The following SYTL5 variants were observed in gnomAD, a reference collection of about 807,000 sequenced individuals.
SYTL5 encodes the protein synaptotagmin like 5.
In SYTL5, 34 loss-of-function variants were observed where a neutral mutation model predicts 55.9. The observed-to-expected ratio is 0.61, with a 90% confidence interval of 0.46 to 0.81. The LOEUF (loss-of-function observed/expected upper bound fraction) is 0.81. Ranked by LOEUF, SYTL5 falls within the 30% of genes least tolerant of loss-of-function variation. SYTL5 has a pLI of 0.00. For synonymous variants in SYTL5, 221 were observed against 188.7 expected (o/e 1.17, Z -1.40); for missense variants, 637 against 546.7 (o/e 1.17, Z -1.65).
intron 4 of SYTL5, 71 bp downstream of exon 4, chrX:38,072,233 G>A (rs1936285714): frequency 2.5e-6 from 2 of 791,027 alleles, no homozygotes; most frequent in South Asian, 4.9e-5. Context: ...ACTTCTCTAT[G>A]TTATGTAGTT....
At chrX:37,925,915 T>G in the SYTL5 span, among the ~76,000 whole-genome samples, 1 of 112,098 alleles carries the variant, frequency 8.9e-6, no homozygotes, top group Non-Finnish European at 1.9e-5. Flanking sequence ...TTCATCGAGT[T>G]TTCTGTGAAT....
chrX:37,919,994 G>T, the SYTL5 span, among the ~76,000 whole-genome samples: 121 of 111,316 alleles, frequency 1.1e-3, no homozygotes, highest in African/African-American at 3.8e-3. Context: ...AAATCCACTG[G>T]AATATATATA....
chrX:38,108,348 G>T (rs1937266679), intron 11 of SYTL5, among the ~76,000 whole-genome samples: 1 of 111,320 alleles, frequency 9.0e-6, no homozygotes, highest in African/African-American at 3.3e-5. Context: ...AATCTCTGAG[G>T]CATGGAGTGA....
chrX:37,949,441 A>G, the SYTL5 span: 3 of 111,865 alleles, frequency 2.7e-5, no homozygotes, highest in South Asian at 1.1e-3. Flanking sequence ...CAGTTTGTTT[A>G]TTATTGTTGT....
intron 1 of SYTL5, among the ~76,000 whole-genome samples, chrX:38,018,744 C>G (rs1056985174): frequency 3.6e-4 from 40 of 111,522 alleles, no homozygotes; most frequent in African/African-American, 1.1e-3. Context: ...AAAACCTTTG[C>G]AGTTCCCCAT....
At chrX:38,080,374 G>C (rs1207267376) in intron 6 of SYTL5, among the ~76,000 whole-genome samples, 3 of 111,768 alleles carry the variant, frequency 2.7e-5, no homozygotes, top group African/African-American at 9.8e-5. Context: ...GTGAACAGAC[G>C]GTGGGACCTT....
chrX:37,968,430 A>G, the SYTL5 span, among the ~76,000 whole-genome samples: 1 of 111,367 alleles, frequency 9.0e-6, no homozygotes. Flanking sequence ...AAGGGTTTGA[A>G]AGGGGGTTGG....
chrX:38,042,536 A>G (rs1468104470), intron 2 of SYTL5, among the ~76,000 whole-genome samples: 1 of 111,746 alleles, frequency 8.9e-6, no homozygotes, highest in Non-Finnish European at 1.9e-5. Flanking sequence ...GATCCTCTGT[A>G]TATTTTTTAC....
chrX:38,003,507 T>TC (rs1933910460), upstream of SYTL5, among the ~76,000 whole-genome samples: 1 of 111,193 alleles, frequency 9.0e-6, no homozygotes, highest in African/African-American at 3.3e-5. Context: ...TACCTAGGAA[T>TC]CCAACTTACA....
the SYTL5 span, among the ~76,000 whole-genome samples, chrX:37,965,539 T>C: frequency 8.9e-6 from 1 of 111,943 alleles, no homozygotes; most frequent in Non-Finnish European, 1.9e-5. Flanking sequence ...GTGATCTATA[T>C]TGAAATTTTT....
At chrX:37,973,777 G>A in the SYTL5 span, among the ~76,000 whole-genome samples, 1 of 110,401 alleles carries the variant, frequency 9.1e-6, no homozygotes, top group South Asian at 3.9e-4. Context: ...TGGGATTACA[G>A]GCACCCACCA....
intron 7 of SYTL5, among the ~76,000 whole-genome samples, chrX:38,092,213 TAGTC>T (rs1045365561): frequency 3.6e-5 from 4 of 111,920 alleles, no homozygotes; most frequent in Non-Finnish European, 5.6e-5. Flanking sequence ...GAAAATATAT[TAGTC>T]AGGGATCTCC....
intron 2 of SYTL5, among the ~76,000 whole-genome samples, chrX:38,049,119 T>G (rs1018621664): frequency 9.0e-6 from 1 of 111,240 alleles, no homozygotes; most frequent in African/African-American, 3.3e-5. Context: ...ATTATTTTAG[T>G]GATTTTTGTG....
intron 7 of SYTL5, among the ~76,000 whole-genome samples, chrX:38,090,129 T>C (rs1356553760): frequency 2.7e-5 from 3 of 112,115 alleles, no homozygotes; most frequent in Non-Finnish European, 3.8e-5. Flanking sequence ...AGCACTTGTA[T>C]GATGGAGTTT....
At chrX:37,962,343 C>T in the SYTL5 span, among the ~76,000 whole-genome samples, 60 of 110,702 alleles carry the variant, frequency 5.4e-4, no homozygotes, top group East Asian at 0.017. Context: ...TTTGTCCCTG[C>T]GATAGTTTGC....
the SYTL5 span, among the ~76,000 whole-genome samples, chrX:37,965,115 T>C: frequency 9.0e-6 from 1 of 111,438 alleles, no homozygotes; most frequent in Admixed American, 9.6e-5. Context: ...AACATTTGTC[T>C]CAGTTTATTC....
intron 1 of SYTL5, among the ~76,000 whole-genome samples, chrX:38,027,144 C>T (rs965289806): frequency 8.9e-6 from 1 of 111,818 alleles, no homozygotes; most frequent in Non-Finnish European, 1.9e-5. Context: ...TGAGTTCTGA[C>T]AAAAGGTGAT....
intron 2 of SYTL5, among the ~76,000 whole-genome samples, chrX:38,035,169 C>T (rs1043581396): frequency 7.1e-5 from 8 of 112,034 alleles, no homozygotes; most frequent in East Asian, 5.5e-4. Flanking sequence ...ACAAAAGTTT[C>T]GATGAAAATT....
the SYTL5 span, among the ~76,000 whole-genome samples, chrX:37,918,489 C>T: frequency 8.9e-6 from 1 of 112,225 alleles, no homozygotes; most frequent in Non-Finnish European, 1.9e-5. Context: ...CAGCCAAAAT[C>T]AGCCAAGGCC....
Sources: gnomAD v4.1 joint callset for allele counts (sites outside exome capture counted in the v4.1 genomes callset) on GRCh38, gnomAD v4.1.1 for gene constraint, MANE v1.5 for transcripts, NCBI Gene and HGNC (gene_info 2026-07-23, HGNC 2026-07-21) for gene names.